The following NTRK3 variants were observed in gnomAD, a reference collection of about 807,000 sequenced individuals.
NTRK3 encodes the protein NT-3 growth factor receptor.
In NTRK3, 24 loss-of-function variants were observed where a neutral mutation model predicts 91.7. The ratio of observed to expected loss-of-function variants is 0.26; its 90% CI spans 0.19 to 0.37. NTRK3 has a LOEUF of 0.37. Among genes scored for constraint, NTRK3 ranks in the 10% least tolerant of loss-of-function variants. The pLI, the probability that NTRK3 is intolerant of heterozygous loss-of-function variation, is 1.00. For missense variants in NTRK3, 880 were observed against 1,068.9 expected (o/e 0.82, Z 2.46); for synonymous variants, 483 against 404.0 (o/e 1.20, Z -2.34).
At chr15:87,985,106 A>G (rs2074636810) in intron 14 of NTRK3, among the ~76,000 whole-genome samples, 1 of 152,182 alleles carries the variant, frequency 6.6e-6, no homozygotes, top group Admixed American at 6.5e-5. Context: ...AGTGGCTGGA[A>G]ACCTACAGCA....
At chr15:88,176,564 G>C (rs547026713) in intron 5 of NTRK3, among the ~76,000 whole-genome samples, 6 of 152,286 alleles carry the variant, frequency 3.9e-5, no homozygotes, top group African/African-American at 1.4e-4. Flanking sequence ...CACACAGAGC[G>C]TACCAAGGCC....
In NTRK3 at chr15:88,049,857, G is replaced by A. The variant is rs563352115; in HGVS notation, c.1397-16812C>T. On this transcript the variant is annotated intron_variant, in intron 13 of 18. Coordinates refer to ENST00000394480, the Ensembl canonical transcript of NTRK3. Reference sequence around the variant, plus strand: ...TAATCGAAGATGGTTCAGAATCAATGATTATGCATCTCTGCATCTGCCAGA... The same window carrying A: ...TAATCGAAGATGGTTCAGAATCAATAATTATGCATCTCTGCATCTGCCAGA... 3.3e-5 allele frequency among the ~76,000 whole-genome samples: 5 copies of A among 152,338 alleles called. No individual in the cohort carries two copies. In the East Asian group the frequency reaches 7.7e-4, roughly 23 times the overall value.
exon 15 of NTRK3, chr15:87,940,725 G>T: frequency 1.9e-6 from 3 of 1,614,150 alleles, no homozygotes; most frequent in South Asian, 1.1e-5. Flanking sequence ...GCTTCAGCAC[G>T]ATGTCTCTCC....
intron 3 of NTRK3, among the ~76,000 whole-genome samples, chr15:88,229,340 G>A (rs1473912476): frequency 6.6e-6 from 1 of 152,136 alleles, no homozygotes; most frequent in Non-Finnish European, 1.5e-5. Flanking sequence ...GGAGAACTAG[G>A]ATCAAATCTG....
At chr15:87,946,943 G>C (rs531038592) in intron 14 of NTRK3, among the ~76,000 whole-genome samples, 2 of 139,814 alleles carry the variant, frequency 1.4e-5, no homozygotes, top group African/African-American at 5.3e-5. Flanking sequence ...GTGCAATGGC[G>C]CAATCTGGGC....
chr15:88,106,782 A>C (rs1032273518), intron 13 of NTRK3, among the ~76,000 whole-genome samples: 1 of 151,872 alleles, frequency 6.6e-6, no homozygotes, highest in African/African-American at 2.4e-5. Flanking sequence ...AATACAAAAC[A>C]ATTAGCTGGG....
At chr15:88,175,919 G>A (rs1420732534) in intron 5 of NTRK3, among the ~76,000 whole-genome samples, 4 of 152,132 alleles carry the variant, frequency 2.6e-5, no homozygotes, top group Non-Finnish European at 5.9e-5. Context: ...AGTGATGAGG[G>A]TGGGTTAGAG....
intron 14 of NTRK3, among the ~76,000 whole-genome samples, chr15:87,947,921 G>C (rs1196765512): frequency 6.6e-6 from 1 of 152,110 alleles, no homozygotes; most frequent in Non-Finnish European, 1.5e-5. Context: ...GGGAGAAAGA[G>C]GGCCAGCTTT....
intron 13 of NTRK3, 114 bp downstream of exon 13, chr15:88,126,157 C>A: frequency 2.6e-6 from 2 of 769,960 alleles, no homozygotes; most frequent in East Asian, 2.7e-5. Flanking sequence ...ACCAGTTAGA[C>A]CCCATGACCG....
chr15:87,894,448 C>A (rs889336977), intron 17 of NTRK3, among the ~76,000 whole-genome samples: 1 of 152,174 alleles, frequency 6.6e-6, no homozygotes, highest in Non-Finnish European at 1.5e-5. Flanking sequence ...AATGCATGTG[C>A]ATCGTGTGTA....
At chr15:88,058,245 A>C (rs2045903061) in intron 13 of NTRK3, among the ~76,000 whole-genome samples, 1 of 152,194 alleles carries the variant, frequency 6.6e-6, no homozygotes, top group East Asian at 1.9e-4. Context: ...GACGTCAGAC[A>C]GTTCTTGAGT....
rs910444473 is a variant in NTRK3, at chr15:88,235,231, C to G, written c.248+20675G>C. On this transcript the variant is annotated intron_variant, in intron 3 of 18. Coordinates refer to ENST00000394480, the Ensembl canonical transcript of NTRK3. The surrounding 1 kb of genome is among the most constrained non-coding windows in gnomAD (Gnocchi z 5.2). ...GAATTGTAAGGTCCCAGGCCAGAAA[C>G]GTTGTGTCTTGCACATCACAGAATC... Among the ~76,000 whole-genome samples the G allele has an allele frequency of 6.6e-6, 1 of 152,198 alleles. No homozygotes were observed. The highest frequency in any genetic ancestry group is 1.5e-5 in the Non-Finnish European group (1 of 68,040).
At chr15:87,947,967 A>G (rs549305252) in intron 14 of NTRK3, among the ~76,000 whole-genome samples, 2 of 152,242 alleles carry the variant, frequency 1.3e-5, no homozygotes, top group Non-Finnish European at 2.9e-5. Context: ...CCAAGAGGGC[A>G]GGGCCCTGCC....
At chr15:87,954,007 AGTGTGTGTGTGTGTGTGTGTGTGTGTGT>A (rs61653896) in intron 14 of NTRK3, among the ~76,000 whole-genome samples, 72 of 127,742 alleles carry the variant, frequency 5.6e-4, no homozygotes, top group African/African-American at 2.0e-3. Context: ...AGACCTTTTC[AGTGTGTGTGTGTGTGTGTGTGTGTGTGT>A]GTGTGTGTGT....
At chr15:87,974,055 A>G (rs1399257852) in intron 14 of NTRK3, among the ~76,000 whole-genome samples, 1 of 151,744 alleles carries the variant, frequency 6.6e-6, no homozygotes, top group Admixed American at 6.6e-5. Context: ...GCGGCATCCA[A>G]CCCTCCCTTG....
chr15:88,169,553 T>C (rs2045317019), intron 5 of NTRK3, among the ~76,000 whole-genome samples: 1 of 152,180 alleles, frequency 6.6e-6, no homozygotes. Context: ...TGAATCACTC[T>C]GCTGCCTCAG....
chr15:88,165,867 G>C (rs1280814139), intron 5 of NTRK3, among the ~76,000 whole-genome samples: 1 of 152,166 alleles, frequency 6.6e-6, no homozygotes, highest in Admixed American at 6.5e-5. Flanking sequence ...GTGTGTGTGT[G>C]TGTGTGTATG....
chr15:88,135,773 T>C (rs2041817777), intron 9 of NTRK3, 126 bp downstream of exon 9: 3 of 1,300,632 alleles, frequency 2.3e-6, no homozygotes. Context: ...ACAAGAGTCC[T>C]TCTGTCCCTA....
At chr15:87,875,979 C>T (rs2064936517) in exon 19 of NTRK3, 1 of 232,030 alleles carries the variant, frequency 4.3e-6, no homozygotes. Flanking sequence ...TCCTAACCCC[C>T]TAAGCTTCCC....
Sources: allele counts gnomAD v4.1 joint callset (sites outside exome capture counted in the v4.1 genomes callset), GRCh38; gene constraint gnomAD v4.1.1; non-coding constraint Gnocchi (gnomAD v3.1); transcripts MANE v1.5; gene names NCBI Gene and HGNC (gene_info 2026-07-23, HGNC 2026-07-21).